The following TFDP2 variants were observed in gnomAD, a reference collection of about 807,000 sequenced individuals.
TFDP2 encodes transcription factor Dp-2.
A neutral mutation model predicts 59.3 loss-of-function variants in TFDP2; 17 were observed. The observed-to-expected ratio is 0.29, with a 90% CI of 0.20 to 0.43. The LOEUF (loss-of-function observed/expected upper bound fraction) is 0.43, where lower values mean the gene tolerates loss of function less well. Ranked by LOEUF, TFDP2 falls within the 20% of genes least tolerant of loss-of-function variation. TFDP2 has a pLI of 1.00. For synonymous variants in TFDP2, 180 were observed against 194.7 expected, an observed-to-expected ratio of 0.92 and a Z score of 0.63; for missense variants, 391 against 528.8, an observed-to-expected ratio of 0.74 and a Z score of 2.56.
chr3:141,976,826 T>A (rs1364047016), intron 7 of TFDP2, among the ~76,000 whole-genome samples: 2 of 146,170 alleles, frequency 1.4e-5, no homozygotes, highest in South Asian at 2.2e-4. Flanking sequence ...AAAAAGAAAA[T>A]CACATATAAT....
At chr3:142,133,228 G>A (rs1277410384) in intron 1 of TFDP2, among the ~76,000 whole-genome samples, 1 of 149,832 alleles carries the variant, frequency 6.7e-6, no homozygotes, top group Non-Finnish European at 1.5e-5. Context: ...ATTTTTTGAG[G>A]ATGTTTTGGA....
At chr3:142,028,696 A>G in intron 3 of TFDP2, 1 of 985,406 alleles carries the variant, frequency 1.0e-6, no homozygotes, top group Non-Finnish European at 1.2e-6. Flanking sequence ...AGAAAAGCTC[A>G]ATTTAAAATA....
rs1460085691 is a variant in TFDP2 at position 141,950,280 on chromosome 3, T to C, written c.*2233A>G. 1.3e-5 allele frequency: 2 copies of C among 152,182 alleles called. No homozygotes were observed. The highest frequency in any genetic ancestry group is 4.8e-5 in the African/African-American group (2 of 41,436). The allele number at this position is 152,182 out of a possible 1,614,324, so 9.4% of individuals were successfully genotyped here. A position where few individuals can be genotyped will look rare whatever the true frequency, so the allele number is the denominator to read the frequency against. On this transcript the variant is annotated 3_prime_UTR_variant, in exon 13 of 13. Transcript: ENST00000489671. ...CTCCAGCGACATGTACTGGTGACCA[T>C]GATGTCACTCTGTGAGCTGGCCTCA...
At chr3:141,975,581 C>T (rs1280726523) in intron 7 of TFDP2, among the ~76,000 whole-genome samples, 1 of 151,558 alleles carries the variant, frequency 6.6e-6, no homozygotes, top group Non-Finnish European at 1.5e-5. Context: ...GTAATGCCAG[C>T]TACTCAGGAG....
intron 4 of TFDP2, among the ~76,000 whole-genome samples, chr3:142,002,136 A>G (rs1576653341): frequency 6.6e-6 from 1 of 151,818 alleles, no homozygotes; most frequent in Non-Finnish European, 1.5e-5. Context: ...CTGGGATTAC[A>G]GGCACCCGCC....
chr3:142,000,304 C>T (rs1443432283), intron 4 of TFDP2: 1 of 702,782 alleles, frequency 1.4e-6, no homozygotes, highest in Non-Finnish European at 2.6e-6. Context: ...AGATTCAGTG[C>T]CTGGTGAGGG....
chr3:141,956,684 G>A (rs1212709928), intron 11 of TFDP2, among the ~76,000 whole-genome samples: 3 of 152,024 alleles, frequency 2.0e-5, no homozygotes, highest in Non-Finnish European at 4.4e-5. Flanking sequence ...AGCCAAGGCA[G>A]GTGGATCGCT....
At position 142,121,535 on chromosome 3, in the gene TFDP2, C is replaced by G. The variant is rs1239053214; in HGVS notation, c.-92-19694G>C. Among the ~76,000 whole-genome samples the G allele has an allele frequency of 6.6e-6, 1 of 152,142 alleles. No individual in the cohort carries two copies. The highest frequency in any genetic ancestry group is 1.5e-5 in the Non-Finnish European group (1 of 68,022). ...AATGCCATCAAACTAGAAGAGTTAA[C>G]ACAGAAACCTAAGCACTTTACGGTC... On this transcript the variant is annotated intron_variant, in intron 1 of 12. Coordinates refer to ENST00000489671, the MANE Select transcript of TFDP2 (RefSeq NM_001178139.2). This position sits in a 1 kb window ranked among gnomAD's most constrained non-coding sequence, Gnocchi z 4.3.
chr3:142,145,547 C>T (rs964183979), intron 1 of TFDP2: 1 of 151,958 alleles, frequency 6.6e-6, no homozygotes, highest in African/African-American at 2.4e-5. Flanking sequence ...TAAAGCATTC[C>T]ACATTTTTAC....
intron 1 of TFDP2, among the ~76,000 whole-genome samples, chr3:142,143,197 C>T (rs961733140): frequency 2.6e-5 from 4 of 152,062 alleles, no homozygotes; most frequent in African/African-American, 9.7e-5. Flanking sequence ...TATCAAGCCA[C>T]TGCACTCCAG....
At chr3:142,118,768 A>G (rs1459587279) in intron 1 of TFDP2, among the ~76,000 whole-genome samples, 1 of 152,168 alleles carries the variant, frequency 6.6e-6, no homozygotes, top group Non-Finnish European at 1.5e-5. Context: ...AAACAGAGAG[A>G]AATTGATTGA....
chr3:142,056,627 T>C (rs1343098244), intron 3 of TFDP2, among the ~76,000 whole-genome samples: 1 of 152,178 alleles, frequency 6.6e-6, no homozygotes, highest in African/African-American at 2.4e-5. Context: ...CATCTCAGAA[T>C]AAATGATACC....
At chr3:141,995,892 A>C (rs867660549) in intron 4 of TFDP2, among the ~76,000 whole-genome samples, 16,090 of 135,982 alleles carry the variant, frequency 0.12, 1,047 homozygotes, top group East Asian at 0.17. Flanking sequence ...TCAAAAAAAA[A>C]AAAAAAAAAA....
At chr3:142,113,878 A>C (rs904272843) in intron 1 of TFDP2, among the ~76,000 whole-genome samples, 3 of 152,066 alleles carry the variant, frequency 2.0e-5, no homozygotes, top group Non-Finnish European at 4.4e-5. Context: ...AACTCTACAG[A>C]ATAGGGCCGG....
intron 7 of TFDP2, among the ~76,000 whole-genome samples, chr3:141,977,405 CAA>C (rs202181685): frequency 0.02 from 2,158 of 106,632 alleles, 22 homozygotes; most frequent in Non-Finnish European, 0.029. Flanking sequence ...GACCTCATAT[CAA>C]AAAAAAAAAA....
At chr3:141,995,342 G>A (rs532363894) in intron 4 of TFDP2, 191 of 402,192 alleles carry the variant, frequency 4.7e-4, no homozygotes, top group Non-Finnish European at 7.6e-4. Flanking sequence ...CCTGAATACT[G>A]ACATGAGGTC....
chr3:142,062,453 T>C (rs546702178), intron 3 of TFDP2, among the ~76,000 whole-genome samples: 19 of 150,088 alleles, frequency 1.3e-4, no homozygotes, highest in Admixed American at 9.3e-4. Flanking sequence ...AAAAAACCAA[T>C]AGGAGAGACA....
chr3:141,969,107 AT>A lies in TFDP2; in HGVS notation c.732+965del, dbSNP rs1280046497. 7.7e-4 allele frequency among the ~76,000 whole-genome samples: 56 copies of A among 72,588 alleles called. 9 individuals carry two copies. The highest frequency in any genetic ancestry group is 3.0e-3 in the African/African-American group (55 of 18,416). The allele number at this position is 72,588 out of a possible 152,430, so 47.6% of individuals were successfully genotyped here. On this transcript the variant is annotated intron_variant, in intron 9 of 12. Transcript: ENST00000489671. ...TATATATAACATATATATATATCTCATATATATGAGATATATATATAACATA... is the reference window on the plus strand; with the variant it reads ...TATATATAACATATATATATATCTCAATATATGAGATATATATATAACATA...
intron 3 of TFDP2, among the ~76,000 whole-genome samples, chr3:142,026,263 G>A (rs1444169962): frequency 6.6e-6 from 1 of 152,052 alleles, no homozygotes; most frequent in Non-Finnish European, 1.5e-5. Context: ...GCTGAGGCAG[G>A]TGAATGGTGT....
Sources: gnomAD v4.1 joint callset for allele counts (sites outside exome capture counted in the v4.1 genomes callset) on GRCh38, gnomAD v4.1.1 for gene constraint, Gnocchi (gnomAD v3.1) non-coding constraint, MANE v1.5 for transcripts, NCBI Gene and HGNC (gene_info 2026-07-23, HGNC 2026-07-21) for gene names.